NAF1: variants seen among roughly 807,000 people sequenced by gnomAD.
NAF1 encodes H/ACA ribonucleoprotein complex non-core subunit NAF1.
A neutral mutation model predicts 40.6 loss-of-function variants in NAF1; 11 were observed. That is an observed-to-expected ratio of 0.27 (90% CI 0.17 to 0.45). The LOEUF (loss-of-function observed/expected upper bound fraction) is 0.45, where lower values mean the gene tolerates loss of function less well. Ranked by LOEUF, NAF1 falls within the 20% of genes least tolerant of loss-of-function variation. The pLI is 1.00. For synonymous variants in NAF1, 260 were observed against 228.5 expected (o/e 1.14, Z -1.24); for missense variants, 607 against 611.1 (o/e 0.99, Z 0.07).
chr4:163,111,527 G>T (rs1047872866), intron 2 of NAF1, among the ~76,000 whole-genome samples: 3 of 152,134 alleles, frequency 2.0e-5, no homozygotes, highest in Admixed American at 1.3e-4. Context: ...AGTTTGGGGT[G>T]AATTTAGAAT....
At position 163,166,553 on chromosome 4, in the gene NAF1, C is replaced by T; in HGVS notation, c.175G>A (p.Val59Ile). The change falls in exon 1 of 8, where the codon GTT (valine) becomes ATT (isoleucine). Residue 59 changes from valine (V) to isoleucine (I), a missense_variant. Around this residue, in one of 3 missense-constraint regions of NAF1, gnomAD observed 407 missense variants for 365.5 expected, o/e 1.11. Transcript: ENST00000274054. ...AGAGGCTGCTCCCCGGCAGGCTTAA[C>T]CTCCACGGTCTGCCCAGCGTCCGGG... is the stretch of plus-strand genomic sequence containing the variant. ...GSPDAGQTVE[V>I]KPAGEQPLQP... 6.3e-7 allele frequency: 1 copy of T among 1,596,426 alleles called. No homozygotes were observed. Among genetic ancestry groups the T allele is most frequent in the South Asian group, 1.1e-5 (1 of 88,620 alleles).
rs778986145 is a variant in NAF1, at chr4:163,129,214, G to A, written c.1168C>T (p.Pro390Ser). ...GAGTTATAGAAATGCTGAGGTGGAG[G>A]CCTGCCATGGCAAGATCGAGGGTAT... ...ARYPRSCHGR[P>S]PPQHFYNSEH... is the part of the protein sequence containing the mutation. Residue 390 changes from proline to serine, a missense_variant, in exon 8 of 8, where the codon CCT (proline) becomes TCT (serine). This residue lies in a region of NAF1 where 189 missense variants were observed against 216.6 expected (regional missense o/e 0.87). Transcript: ENST00000274054. 6.2e-7 allele frequency: 1 copy of A among 1,613,484 alleles called. No homozygotes were observed. Among genetic ancestry groups the A allele is most frequent in the African/African-American group, 1.3e-5 (1 of 74,898 alleles).
chr4:163,149,336 A>T (rs1320768288), intron 2 of NAF1, among the ~76,000 whole-genome samples: 1 of 152,172 alleles, frequency 6.6e-6, no homozygotes, highest in Non-Finnish European at 1.5e-5. Context: ...CTTTTGGAGA[A>T]ATGTTGGAAA....
Position 163,140,336 on chromosome 4 carries a change from C to T in NAF1, c.765G>A (p.Arg255=). ...TCTCAATGTGATCTGAAGAATTAAACCGTAACACATAAAATGGATGTGCAA... is the reference window on the plus strand; with the variant it reads ...TCTCAATGTGATCTGAAGAATTAAATCGTAACACATAAAATGGATGTGCAA... The part of the protein sequence containing the change: ...GPVAHPFYVL[R]FNSSDHIESK... The change falls in exon 5 of 8, where the codon CGG becomes CGA. Residue 255 remains arginine, a synonymous_variant. Transcript: ENST00000274054. The T allele has an allele frequency of 8.1e-6, 13 of 1,608,250 alleles. No homozygotes were observed. The highest frequency in any genetic ancestry group is 1.1e-5 in the Non-Finnish European group (13 of 1,177,884).
chr4:163,148,533 G>A (rs1731567982), intron 2 of NAF1, 99 bp from the exon 3 acceptor site: 1 of 767,936 alleles, frequency 1.3e-6, no homozygotes, highest in Admixed American at 2.8e-5. Flanking sequence ...CTCTGAAAAT[G>A]CTTTAAGTGC....
chr4:163,112,768 CA>C (rs1438551469), intron 2 of NAF1, among the ~76,000 whole-genome samples: 1 of 152,116 alleles, frequency 6.6e-6, no homozygotes, highest in Admixed American at 6.5e-5. Context: ...TCCATTTTCT[CA>C]GTACAAAGAG....
intron 5 of NAF1, among the ~76,000 whole-genome samples, chr4:163,138,620 C>A (rs1172249559): frequency 6.6e-6 from 1 of 152,042 alleles, no homozygotes; most frequent in Non-Finnish European, 1.5e-5. Flanking sequence ...ATGACAGATG[C>A]CAAAATGAGG....
intron 2 of NAF1, among the ~76,000 whole-genome samples, chr4:163,116,611 A>C (rs1290157621): frequency 6.6e-6 from 1 of 152,178 alleles, no homozygotes; most frequent in Non-Finnish European, 1.5e-5. Context: ...GGAATCCTAC[A>C]ATAGTGGCTA....
chr4:163,112,567 CCTT>C (rs1234689305), intron 2 of NAF1, among the ~76,000 whole-genome samples: 1 of 152,156 alleles, frequency 6.6e-6, no homozygotes, highest in Non-Finnish European at 1.5e-5. Flanking sequence ...CTCAACCACT[CCTT>C]CTGGAAATGG....
chr4:163,113,650 C>A (rs991735701), intron 2 of NAF1, among the ~76,000 whole-genome samples: 2 of 152,158 alleles, frequency 1.3e-5, no homozygotes, highest in Non-Finnish European at 2.9e-5. Context: ...TTTCCTGGAT[C>A]CCTACCCAGG....
In NAF1 at chr4:163,137,229, T is replaced by C. The variant is rs1240663800; in HGVS notation, c.900A>G (p.Ser300=). 2.5e-6 allele frequency: 4 copies of C among 1,610,130 alleles called. No individual in the cohort carries two copies. Among genetic ancestry groups the C allele is most frequent in the Non-Finnish European group, 2.5e-6 (3 of 1,177,080 alleles). The part of the protein sequence containing the change: ...KLKQDKGSDA[S]WKNDQEPPPE... ...GTGGTGGTTCCTGATCATTCTTCCA[T>C]GATGCATCTGATCCCTTATCCCTGA... The change falls in exon 6 of 8, where the codon TCA becomes TCG. Residue 300 remains serine, a synonymous_variant. Coordinates refer to ENST00000274054, the MANE Select transcript of NAF1 (RefSeq NM_138386.3).
At chr4:163,104,473 G>C in the NAF1 span, among the ~76,000 whole-genome samples, 1 of 152,074 alleles carries the variant, frequency 6.6e-6, no homozygotes, top group African/African-American at 2.4e-5. Context: ...GTTAATGTTG[G>C]GTTAATATTG....
At chr4:163,130,674 G>A (rs982879290) in intron 7 of NAF1, among the ~76,000 whole-genome samples, 3 of 152,192 alleles carry the variant, frequency 2.0e-5, no homozygotes, top group African/African-American at 7.2e-5. Flanking sequence ...AGGAGCAAAA[G>A]CAATACAACA....
At position 163,166,563 on chromosome 4, in the gene NAF1, C is replaced by A; in HGVS notation, c.165G>T (p.Gln55His). Residue 55 changes from glutamine to histidine, a missense_variant, in exon 1 of 8, where the codon CAG becomes CAT. By Grantham distance (24) the Gln-to-His change is conservative. Transcript: ENST00000274054. ...QSFEGSPDAG[Q>H]TVEVKPAGEQ... ...CCCCGGCAGGCTTAACCTCCACGGT[C>A]TGCCCAGCGTCCGGGGACCCCTCAA... 1 of 1,604,460 alleles carries A rather than the reference C, an allele frequency of 6.2e-7. No individual in the cohort carries two copies.
At chr4:163,154,537 G>T (rs1221162597) in intron 2 of NAF1, among the ~76,000 whole-genome samples, 2 of 152,178 alleles carry the variant, frequency 1.3e-5, no homozygotes, top group Non-Finnish European at 2.9e-5. Flanking sequence ...TCTGAATTAA[G>T]GGAAAACAGA....
chr4:163,118,232 CG>C (rs1304401531), intron 2 of NAF1, among the ~76,000 whole-genome samples: 1 of 152,126 alleles, frequency 6.6e-6, no homozygotes, highest in African/African-American at 2.4e-5. Flanking sequence ...AATCAGAAAG[CG>C]GTATCTAGAA....
intron 2 of NAF1, among the ~76,000 whole-genome samples, chr4:163,154,890 C>CAAAAAAA (rs5863601): frequency 1.4e-5 from 2 of 141,526 alleles, no homozygotes; most frequent in Admixed American, 7.0e-5. Context: ...AAAACAAAAA[C>CAAAAAAA]AAAAAAAAAA....
chr4:163,121,268 A>C (rs1037247040), intron 2 of NAF1, among the ~76,000 whole-genome samples: 5 of 152,184 alleles, frequency 3.3e-5, no homozygotes, highest in Non-Finnish European at 4.4e-5. Flanking sequence ...GGTTTCTGGA[A>C]CATAATTGCA....
intron 5 of NAF1, among the ~76,000 whole-genome samples, chr4:163,139,261 T>C (rs1731166296): frequency 6.6e-6 from 1 of 152,092 alleles, no homozygotes; most frequent in Non-Finnish European, 1.5e-5. Context: ...TATAAAAATG[T>C]ATCGCCTAGG....
Sources: gnomAD v4.1 joint callset for allele counts (sites outside exome capture counted in the v4.1 genomes callset) on GRCh38, gnomAD v4.1.1 for gene constraint, gnomAD v4.1.1 regional missense constraint, MANE v1.5 for transcripts, NCBI Gene and HGNC (gene_info 2026-07-23, HGNC 2026-07-21) for gene names.